The following RAPGEF4 variants were observed in gnomAD, a reference collection of about 807,000 sequenced individuals.
The protein encoded by RAPGEF4 is Rap guanine nucleotide exchange factor 4.
In RAPGEF4, 66 loss-of-function variants were observed where a neutral mutation model predicts 147.9. That is an observed-to-expected ratio of 0.45 (90% CI 0.37 to 0.55). The LOEUF (loss-of-function observed/expected upper bound fraction) is 0.55, where lower values mean the gene tolerates loss of function less well. Ranked by LOEUF, RAPGEF4 falls within the 20% of genes least tolerant of loss-of-function variation. The pLI, the probability that RAPGEF4 is intolerant of heterozygous loss-of-function variation, is 0.00. For missense variants in RAPGEF4, 1,071 were observed against 1,257.3 expected, an observed-to-expected ratio of 0.85 and a Z score of 2.24; for synonymous variants, 419 against 442.7, an observed-to-expected ratio of 0.95 and a Z score of 0.67.
intron 4 of RAPGEF4, among the ~76,000 whole-genome samples, chr2:172,883,819 C>G (rs1696882485): frequency 6.6e-6 from 1 of 152,048 alleles, no homozygotes; most frequent in Non-Finnish European, 1.5e-5. Flanking sequence ...TGACTTCAAG[C>G]AGTGTGAAGA....
chr2:173,040,188 C>CA (rs1293941383), intron 29 of RAPGEF4, among the ~76,000 whole-genome samples: 1,651 of 93,194 alleles, frequency 0.018, 15 homozygotes, highest in Admixed American at 0.053. Flanking sequence ...GACTCCATCT[C>CA]AAAAAAAAAA....
intron 4 of RAPGEF4, among the ~76,000 whole-genome samples, chr2:172,872,033 G>A (rs571508225): frequency 5.3e-4 from 81 of 152,218 alleles, no homozygotes; most frequent in African/African-American, 1.9e-3. Flanking sequence ...AGAGATAATA[G>A]CATATCTGAA....
chr2:172,812,020 T>C (rs1003634222), intron 3 of RAPGEF4, among the ~76,000 whole-genome samples: 1 of 152,198 alleles, frequency 6.6e-6, no homozygotes, highest in Admixed American at 6.5e-5. Context: ...TGCCCAACCA[T>C]ACCTCCCAAA....
In RAPGEF4 at chr2:173,014,459, G is replaced by T. The variant is rs377590105; in HGVS notation, c.1659-5G>T. 3.3e-5 allele frequency: 53 copies of T among 1,613,308 alleles called. No homozygotes were observed. The highest frequency in any genetic ancestry group is 4.4e-5 in the Non-Finnish European group (52 of 1,179,750). ...GGCTCAATTTCTTCCTTGACTCCTC[G>T]GCACCTACCACGCACAGCCTTCACA... is the stretch of plus-strand genomic sequence containing the variant. On this transcript the variant is annotated splice_polypyrimidine_tract_variant and splice_region_variant and intron_variant, in intron 17 of 30. Transcript: ENST00000397081.
intron 3 of RAPGEF4, among the ~76,000 whole-genome samples, chr2:172,800,234 A>G (rs886936751): frequency 2.0e-5 from 3 of 152,178 alleles, no homozygotes; most frequent in Admixed American, 6.5e-5. Context: ...AAAGGAAGAG[A>G]AAGCTCATTG....
intron 1 of RAPGEF4, among the ~76,000 whole-genome samples, chr2:172,743,798 C>T (rs1694526222): frequency 6.6e-6 from 1 of 152,140 alleles, no homozygotes; most frequent in African/African-American, 2.4e-5. Context: ...AGGCCCGGGC[C>T]TGTGGCAGCC....
At chr2:172,737,129 C>T (rs1223279188) in intron 1 of RAPGEF4, among the ~76,000 whole-genome samples, 1 of 152,196 alleles carries the variant, frequency 6.6e-6, no homozygotes, top group Non-Finnish European at 1.5e-5. Context: ...AAATGTAGCT[C>T]ATTTGAAAAG....
chr2:172,850,009 A>T (rs567451095), intron 4 of RAPGEF4, among the ~76,000 whole-genome samples: 69 of 152,258 alleles, frequency 4.5e-4, no homozygotes, highest in African/African-American at 1.5e-3. Context: ...CTCACAGGGG[A>T]ATCAAGACCT....
chr2:172,979,507 A>T (rs1247121267), intron 10 of RAPGEF4, among the ~76,000 whole-genome samples: 1 of 152,250 alleles, frequency 6.6e-6, no homozygotes, highest in Non-Finnish European at 1.5e-5. Flanking sequence ...CATTTTACAG[A>T]TGCAGAAACA....
chr2:172,746,315 G>C (rs932095851), intron 1 of RAPGEF4, among the ~76,000 whole-genome samples: 1 of 152,146 alleles, frequency 6.6e-6, no homozygotes, highest in East Asian at 1.9e-4. Flanking sequence ...GTAACTTAAT[G>C]GTGTTCCGTC....
intron 29 of RAPGEF4, among the ~76,000 whole-genome samples, chr2:173,045,673 AG>A (rs1685381687): frequency 6.6e-6 from 1 of 152,266 alleles, no homozygotes; most frequent in Non-Finnish European, 1.5e-5. Flanking sequence ...ATGAGCGAAA[AG>A]TAAAAGGAGA....
intron 4 of RAPGEF4, among the ~76,000 whole-genome samples, chr2:172,836,200 T>C (rs1018667699): frequency 1.3e-5 from 2 of 152,206 alleles, no homozygotes; most frequent in African/African-American, 2.4e-5. Context: ...TCATGGTAGC[T>C]TCCTTTGAAT....
chr2:172,883,864 G>A (rs1696888850), intron 4 of RAPGEF4, among the ~76,000 whole-genome samples: 1 of 152,162 alleles, frequency 6.6e-6, no homozygotes, highest in Admixed American at 6.5e-5. Context: ...GAAGGCAAGA[G>A]CATTGGGTCC....
chr2:173,003,907 G>A (rs1047572147), intron 17 of RAPGEF4, among the ~76,000 whole-genome samples: 1 of 152,156 alleles, frequency 6.6e-6, no homozygotes, highest in Non-Finnish European at 1.5e-5. Flanking sequence ...TGGGATATTA[G>A]GGATAGTAAA....
In RAPGEF4 at chr2:173,039,555, T is replaced by C. The variant is rs1684490098; in HGVS notation, c.2853+2863T>C. 3.3e-5 allele frequency among the ~76,000 whole-genome samples: 5 copies of C among 151,582 alleles called. No homozygotes were observed. The South Asian group carries it at 1.0e-3, about 32-fold the overall frequency. ...TCTCTCTTGCCAGTTTTACATCCAC[T>C]TGGTTCAAGATGGCAACCTCCACCT... On this transcript the variant is annotated intron_variant, in intron 29 of 30. Coordinates refer to ENST00000397081, the MANE Select transcript of RAPGEF4 (RefSeq NM_007023.4).
At chr2:173,012,410 A>T (rs775927522) in intron 17 of RAPGEF4, among the ~76,000 whole-genome samples, 1 of 152,140 alleles carries the variant, frequency 6.6e-6, no homozygotes, top group Non-Finnish European at 1.5e-5. Context: ...GGCCATTCTT[A>T]CTTTCTCCAT....
chr2:172,782,265 G>A (rs1684756267), intron 1 of RAPGEF4, among the ~76,000 whole-genome samples: 1 of 152,228 alleles, frequency 6.6e-6, no homozygotes, highest in African/African-American at 2.4e-5. Context: ...TGTGTTCCAT[G>A]TGTTGCTAGT....
In RAPGEF4 at chr2:172,904,652, G is replaced by A. The variant is rs149097362; in HGVS notation, c.445-13150G>A. On this transcript the variant is annotated intron_variant, in intron 4 of 30. Transcript: ENST00000397081. ...GAAATCAGGGGCTTTAATATTATTA[G>A]CAATAAATAGTTGCAGATCATTTCA... is the stretch of plus-strand genomic sequence containing the variant. Among the ~76,000 whole-genome samples the A allele has an allele frequency of 2.1e-3, 314 of 152,134 alleles. 6 individuals carry two copies. Among genetic ancestry groups the A allele is most frequent in the African/African-American group, 7.1e-3 (295 of 41,504 alleles).
intron 10 of RAPGEF4, among the ~76,000 whole-genome samples, chr2:172,982,593 T>C (rs1011988372): frequency 1.3e-5 from 2 of 152,220 alleles, no homozygotes; most frequent in African/African-American, 4.8e-5. Context: ...AAAATAATTA[T>C]AGATACGAAA....
Sources: allele counts gnomAD v4.1 joint callset (sites outside exome capture counted in the v4.1 genomes callset), GRCh38; gene constraint gnomAD v4.1.1; transcripts MANE v1.5; gene names NCBI Gene and HGNC (gene_info 2026-07-23, HGNC 2026-07-21).